Variants in MSH3 observed in about 807,000 individuals in gnomAD.
MSH3 encodes the protein DNA mismatch repair protein Msh3.
In MSH3, 106 loss-of-function variants were observed where a neutral mutation model predicts 123.3. The observed-to-expected ratio is 0.86, with a 90% CI of 0.73 to 1.01. MSH3 has a LOEUF of 1.01. Among genes scored for constraint, MSH3 ranks in the 50% least tolerant of loss-of-function variants. The pLI is 0.00. For synonymous variants in MSH3, 515 were observed against 481.4 expected (o/e 1.07, Z -0.91); for missense variants, 1,459 against 1,347.6 (o/e 1.08, Z -1.29).
intron 12 of MSH3, among the ~76,000 whole-genome samples, chr5:80,748,124 A>G (rs1039155711): frequency 2.6e-5 from 4 of 152,202 alleles, no homozygotes; most frequent in African/African-American, 9.6e-5. Context: ...GAGGGGATTT[A>G]GCAAAATAAT....
intron 21 of MSH3, among the ~76,000 whole-genome samples, chr5:80,862,791 C>T (rs1746035409): frequency 1.3e-5 from 2 of 151,922 alleles, no homozygotes; most frequent in African/African-American, 4.8e-5. Flanking sequence ...TTCATACTGA[C>T]ACTAACAAAA....
chr5:80,795,592 G>A (rs891680740), intron 19 of MSH3, among the ~76,000 whole-genome samples: 5 of 152,164 alleles, frequency 3.3e-5, no homozygotes, highest in African/African-American at 9.7e-5. Context: ...CCATTGCCTT[G>A]AGGGTTAGGA....
At chr5:80,700,763 T>C (rs1750590626) in intron 8 of MSH3, among the ~76,000 whole-genome samples, 1 of 152,222 alleles carries the variant, frequency 6.6e-6, no homozygotes, top group Non-Finnish European at 1.5e-5. Context: ...CTCAGGAATA[T>C]ATCTCCTTGA....
chr5:80,731,342 CT>C (rs1412722701), intron 10 of MSH3, among the ~76,000 whole-genome samples: 2 of 152,090 alleles, frequency 1.3e-5, no homozygotes, highest in African/African-American at 4.8e-5. Flanking sequence ...CTTTTTGCAT[CT>C]CATAATTGAT....
chr5:80,805,170 G>C (rs1580060126), intron 19 of MSH3, among the ~76,000 whole-genome samples: 1 of 152,364 alleles, frequency 6.6e-6, no homozygotes, highest in Non-Finnish European at 1.5e-5. Flanking sequence ...GCAAAGCACT[G>C]AGTGTGTTGG....
intron 21 of MSH3, among the ~76,000 whole-genome samples, chr5:80,859,151 C>A (rs1280342272): frequency 6.6e-6 from 1 of 151,982 alleles, no homozygotes; most frequent in African/African-American, 2.4e-5. Context: ...GATAGAGTCT[C>A]ACTCTGTCAC....
intron 21 of MSH3, 41 bp from the exon 22 acceptor site, chr5:80,864,771 AT>A: frequency 1.3e-6 from 2 of 1,514,948 alleles, no homozygotes; most frequent in Non-Finnish European, 1.8e-6. Flanking sequence ...TTACAATAAA[AT>A]TTAAAAATGA....
At chr5:80,797,421 A>G (rs1294479640) in intron 19 of MSH3, among the ~76,000 whole-genome samples, 1 of 152,192 alleles carries the variant, frequency 6.6e-6, no homozygotes, top group African/African-American at 2.4e-5. Flanking sequence ...GCAGTCTCCA[A>G]GTCTCACTTG....
rs1308102846 is a variant in MSH3, at chr5:80,775,705, A to T, written c.2265A>T (p.Glu755Asp). Reference protein sequence around the residue: ...VTVSGQEFMIEIKNSAVSCIP... With the variant: ...VTVSGQEFMIDIKNSAVSCIP... ...TGTATTTGTTTTAGTTTATGATAGA[A>T]ATAAAGAACTCTGCTGTATCTTGTA... Residue 755 changes from glutamate to aspartate, a missense_variant, in exon 16 of 24, where the codon GAA becomes GAT. Glu to Asp is a conservative substitution (Grantham distance 45). Transcript: ENST00000265081. 1 of 1,555,246 alleles carries T rather than the reference A, an allele frequency of 6.4e-7. No individual in the cohort carries two copies. The highest frequency in any genetic ancestry group is 8.9e-7 in the Non-Finnish European group (1 of 1,126,934).
chr5:80,746,478 A>G (rs1743722618), intron 12 of MSH3: 2 of 502,538 alleles, frequency 4.0e-6, no homozygotes, highest in East Asian at 5.7e-5. Flanking sequence ...TGTGTGTAAC[A>G]TCAAGCAAAC....
intron 21 of MSH3, 142 bp from the exon 22 acceptor site, chr5:80,864,671 A>T (rs1042404207): frequency 2.2e-5 from 15 of 674,580 alleles, no homozygotes; most frequent in Middle Eastern, 7.9e-4. Context: ...TATCTAGGTA[A>T]ACAGTATATA....
At chr5:80,777,139 A>G (rs570557762) in intron 16 of MSH3, among the ~76,000 whole-genome samples, 1 of 151,916 alleles carries the variant, frequency 6.6e-6, no homozygotes, top group East Asian at 1.9e-4. Flanking sequence ...CCATTTGGCC[A>G]GGCTGGTCTC....
intron 12 of MSH3, among the ~76,000 whole-genome samples, chr5:80,754,043 A>T (rs747160450): frequency 6.6e-6 from 1 of 152,166 alleles, no homozygotes; most frequent in Non-Finnish European, 1.5e-5. Flanking sequence ...GTTGCCAGAG[A>T]TGGTTTTTGT....
At chr5:80,690,139 G>C (rs1206192192) in intron 8 of MSH3, among the ~76,000 whole-genome samples, 1 of 152,028 alleles carries the variant, frequency 6.6e-6, no homozygotes, top group African/African-American at 2.4e-5. Flanking sequence ...GGCTGGTCTC[G>C]AACTTCTGGC....
intron 19 of MSH3, among the ~76,000 whole-genome samples, chr5:80,801,937 A>G (rs1475171185): frequency 6.6e-6 from 1 of 152,100 alleles, no homozygotes; most frequent in Non-Finnish European, 1.5e-5. Flanking sequence ...ACACTCTGTT[A>G]TTTTCTTGCT....
At chr5:80,789,055 G>A (rs966014401) in intron 18 of MSH3, among the ~76,000 whole-genome samples, 7 of 152,040 alleles carry the variant, frequency 4.6e-5, no homozygotes, top group Non-Finnish European at 7.4e-5. Flanking sequence ...AGAATAAGTC[G>A]ATGTAAATTT....
At chr5:80,797,139 G>C (rs960704609) in intron 19 of MSH3, among the ~76,000 whole-genome samples, 4 of 148,780 alleles carry the variant, frequency 2.7e-5, no homozygotes, top group African/African-American at 9.9e-5. Flanking sequence ...TTGGATGTCA[G>C]CTCTTGCACT....
Position 80,876,391 on chromosome 5 carries a change from T to G in MSH3, c.*529T>G, listed in dbSNP as rs1746308247. 5.7e-6 allele frequency: 1 copy of G among 175,376 alleles called. No individual in the cohort carries two copies. The highest frequency in any genetic ancestry group is 1.9e-4 in the South Asian group (1 of 5,132). 10.9% of individuals were successfully genotyped at this position (175,376 alleles called of 1,614,324 possible). ...GCCAAGGTAGGCAGATCACCTGAGG[T>G]CAGGAGTTCAAGACCAGCCTGGCCA... On this transcript the variant is annotated 3_prime_UTR_variant, in exon 24 of 24. Coordinates refer to ENST00000265081, the MANE Select transcript of MSH3 (RefSeq NM_002439.5).
intron 8 of MSH3, among the ~76,000 whole-genome samples, chr5:80,689,787 GAGTA>G (rs1383818976): frequency 4.6e-5 from 7 of 151,560 alleles, no homozygotes; most frequent in Admixed American, 4.6e-4. Flanking sequence ...GCAAAGTTGA[GAGTA>G]AGGTACAGAA....
Sources: gnomAD v4.1 joint callset for allele counts (sites outside exome capture counted in the v4.1 genomes callset) on GRCh38, gnomAD v4.1.1 for gene constraint, MANE v1.5 for transcripts, NCBI Gene and HGNC (gene_info 2026-07-23, HGNC 2026-07-21) for gene names.